Variants in DDX19A observed in about 807,000 individuals in gnomAD.
DDX19A encodes DEAD-box helicase 19A.
In DDX19A, 12 loss-of-function variants were observed where a neutral mutation model predicts 60.6. The observed-to-expected ratio is 0.20, with a 90% CI of 0.13 to 0.32. DDX19A has a LOEUF of 0.32. Among genes scored for constraint, DDX19A ranks in the 10% least tolerant of loss-of-function variants. The pLI is 1.00. For missense variants in DDX19A, 337 were observed against 600.6 expected (o/e 0.56, Z 4.59); for synonymous variants, 206 against 218.2 (o/e 0.94, Z 0.49).
At chr16:70,364,944 C>T (rs1179272701) in intron 6 of DDX19A, 73 bp from the exon 7 acceptor site, 2 of 1,123,210 alleles carry the variant, frequency 1.8e-6, no homozygotes, top group African/African-American at 3.1e-5. Flanking sequence ...CTAATAACAT[C>T]AGCATACTGG....
chr16:70,352,234 G>A (rs1964037792), intron 2 of DDX19A, among the ~76,000 whole-genome samples: 1 of 151,128 alleles, frequency 6.6e-6, no homozygotes, highest in African/African-American at 2.4e-5. Context: ...TCACTCAACA[G>A]TATCCCTTGG....
chr16:70,371,295 A>G, intron 10 of DDX19A, 77 bp from the exon 11 acceptor site: 2 of 1,613,718 alleles, frequency 1.2e-6, no homozygotes, highest in South Asian at 2.2e-5. Flanking sequence ...GTTGGTACGC[A>G]TTGACCTACC....
chr16:70,348,052 A>G (rs780795199), intron 1 of DDX19A: 12 of 424,614 alleles, frequency 2.8e-5, no homozygotes, highest in Non-Finnish European at 5.1e-5. Flanking sequence ...GATTTATTGA[A>G]CTACAGAGAA....
intron 2 of DDX19A, among the ~76,000 whole-genome samples, chr16:70,350,891 ATTTT>A (rs1963991388): frequency 8.6e-6 from 1 of 116,642 alleles, no homozygotes; most frequent in Non-Finnish European, 1.9e-5. Flanking sequence ...TTATTTATTT[ATTTT>A]GAGACGGAGT....
chr16:70,369,165 C>A (rs1487097708), intron 9 of DDX19A, among the ~76,000 whole-genome samples: 1 of 144,974 alleles, frequency 6.9e-6, no homozygotes, highest in Non-Finnish European at 1.5e-5. Context: ...CCGTGCCCGG[C>A]CAATCTGGTT....
intron 11 of DDX19A, 81 bp from the exon 12 acceptor site, chr16:70,371,844 T>G (rs1181393313): frequency 1.9e-6 from 3 of 1,610,500 alleles, no homozygotes; most frequent in Non-Finnish European, 2.5e-6. Flanking sequence ...CCGGAGCCTT[T>G]GGGCCTGAAT....
rs536776102 is a variant in DDX19A, at chr16:70,365,624, A to T, written c.605-461A>T. On this transcript the variant is annotated intron_variant, in intron 7 of 11. Coordinates refer to ENST00000302243, the MANE Select transcript of DDX19A (RefSeq NM_018332.5). ...AACATAGTAAGACAAAAAATAAAAAAAAAAAAATAGCCAAGCGTGGAAGTG... is the reference window on the plus strand; with the variant it reads ...AACATAGTAAGACAAAAAATAAAAATAAAAAAATAGCCAAGCGTGGAAGTG... 19 of 206,772 alleles carry T rather than the reference A, an allele frequency of 9.2e-5. 1 individual carries two copies. Among genetic ancestry groups the T allele is most frequent in the South Asian group, 7.4e-4 (10 of 13,504 alleles). 12.8% of individuals were successfully genotyped at this position (206,772 alleles called of 1,614,324 possible). A position where few individuals can be genotyped will look rare whatever the true frequency, so the allele number is the denominator to read the frequency against.
Position 70,354,293 on chromosome 16 carries a change from T to A in DDX19A, c.107-1192T>A, listed in dbSNP as rs1964119330. 2.0e-5 allele frequency among the ~76,000 whole-genome samples: 3 copies of A among 152,106 alleles called. No homozygotes were observed. The South Asian group carries it at 6.2e-4, about 32-fold the overall frequency. On this transcript the variant is annotated intron_variant, in intron 2 of 11. Coordinates refer to ENST00000302243, the MANE Select transcript of DDX19A (RefSeq NM_018332.5). ...TCCCGAATAGCTGGGATTACAGGCATGCGCCACCACACCCAGCTAATTTTG... is the reference window on the plus strand; with the variant it reads ...TCCCGAATAGCTGGGATTACAGGCAAGCGCCACCACACCCAGCTAATTTTG...
At position 70,364,509 on chromosome 16, in the gene DDX19A, A is replaced by G. The variant is rs770802635; in HGVS notation, c.387-34A>G. 1.6e-5 allele frequency: 24 copies of G among 1,515,808 alleles called. No individual in the cohort carries two copies. The Admixed American group carries it at 3.7e-4, about 23-fold the overall frequency. The allele number at this position is 1,515,808 out of a possible 1,614,324, so 93.9% of individuals were successfully genotyped here. The stretch of plus-strand genomic sequence containing the variant: ...TTTGACATGTTACTGAGTTTCACCA[A>G]TTTAAGTTTCATTTCTGTTCTTCCT... On this transcript the variant is annotated intron_variant, in intron 5 of 11. Coordinates refer to ENST00000302243, the MANE Select transcript of DDX19A (RefSeq NM_018332.5).
At chr16:70,362,340 C>CAAAA (rs566741768) in intron 5 of DDX19A, among the ~76,000 whole-genome samples, 1 of 46,342 alleles carries the variant, frequency 2.2e-5, no homozygotes, top group Non-Finnish European at 4.7e-5. Flanking sequence ...GACTCTGTCT[C>CAAAA]AAAAAAAAAA....
At chr16:70,347,653 G>A (rs957137416) in intron 1 of DDX19A, among the ~76,000 whole-genome samples, 3 of 152,154 alleles carry the variant, frequency 2.0e-5, no homozygotes, top group Admixed American at 6.6e-5. Flanking sequence ...CTAAACTTTA[G>A]GTTTGTTTAG....
intron 2 of DDX19A, 78 bp downstream of exon 2, chr16:70,350,683 A>G: frequency 9.2e-7 from 1 of 1,084,828 alleles, no homozygotes; most frequent in South Asian, 1.4e-5. Context: ...CATTGTACAA[A>G]GAGCTGTCAT....
chr16:70,366,432 CTGGGTT>C, intron 8 of DDX19A, 170 bp downstream of exon 8: 1 of 1,262,756 alleles, frequency 7.9e-7, no homozygotes, highest in South Asian at 1.5e-5. Flanking sequence ...CCCTCCCAAC[CTGGGTT>C]GAGAAAGGAG....
In DDX19A at chr16:70,354,263, A is replaced by G. The variant is rs1267848362; in HGVS notation, c.107-1222A>G. On this transcript the variant is annotated intron_variant, in intron 2 of 11. Coordinates refer to ENST00000302243, the MANE Select transcript of DDX19A (RefSeq NM_018332.5). The stretch of plus-strand genomic sequence containing the variant: ...CAGGTTCAAGCGATTCTCCTGCCTC[A>G]GCCTTCCCGAATAGCTGGGATTACA... Among the ~76,000 whole-genome samples, 11 of 151,890 alleles carry G rather than the reference A, an allele frequency of 7.2e-5. No homozygotes were observed. In the East Asian group the frequency reaches 2.1e-3, roughly 29 times the overall value.
At position 70,370,575 on chromosome 16, in the gene DDX19A, G is replaced by A. The variant is rs370929909; in HGVS notation, c.1183+190G>A. The A allele has an allele frequency of 6.4e-5, 60 of 931,904 alleles. 1 individual carries two copies. The South Asian group carries it at 1.5e-3, about 23-fold the overall frequency. The allele number at this position is 931,904 out of a possible 1,614,324, so 57.7% of individuals were successfully genotyped here. On this transcript the variant is annotated intron_variant, in intron 10 of 11. Coordinates refer to ENST00000302243, the MANE Select transcript of DDX19A (RefSeq NM_018332.5). ...GTAAGAACTCACACATGCCAGGTGC[G>A]GTGGCTCATGCCTGCAATCCCAAGG...
At chr16:70,355,701 C>A (rs1325568595) in intron 3 of DDX19A, 166 bp downstream of exon 3, 2 of 635,856 alleles carry the variant, frequency 3.1e-6, no homozygotes, top group Non-Finnish European at 5.6e-6. Flanking sequence ...GTAGCTCACA[C>A]CTGTAATCCC....
chr16:70,363,745 T>C (rs2151640362), intron 5 of DDX19A: 1 of 152,036 alleles, frequency 6.6e-6, no homozygotes, highest in Non-Finnish European at 1.5e-5. Context: ...TATTTATTTA[T>C]TTATTTTTTT....
At chr16:70,348,651 A>AAT (rs10634597) in intron 1 of DDX19A, among the ~76,000 whole-genome samples, 119,703 of 141,228 alleles carry the variant, frequency 0.85, 51,019 homozygotes, top group East Asian at 0.96. Context: ...AAAAAAAAAG[A>AAT]GGTGAAGGCT....
chr16:70,356,595 T>C (rs544486653), intron 4 of DDX19A, among the ~76,000 whole-genome samples: 53 of 152,072 alleles, frequency 3.5e-4, no homozygotes, highest in Admixed American at 1.5e-3. Flanking sequence ...TGACCTCAGG[T>C]GATCTGCCTG....
Sources: gnomAD v4.1 joint callset for allele counts (sites outside exome capture counted in the v4.1 genomes callset) on GRCh38, gnomAD v4.1.1 for gene constraint, MANE v1.5 for transcripts, NCBI Gene and HGNC (gene_info 2026-07-23, HGNC 2026-07-21) for gene names.